HS6ST3: variants seen among roughly 807,000 people sequenced by gnomAD.
HS6ST3 encodes the protein heparan-sulfate 6-O-sulfotransferase 3.
HS6ST3 carries 12 observed loss-of-function variants against 36.7 expected under a neutral mutation model. The observed-to-expected ratio is 0.33, with a 90% CI of 0.21 to 0.53. The LOEUF is 0.53. HS6ST3 is among the 20% of genes least tolerant of loss of function. The probability of loss-of-function intolerance (pLI) is 0.95; values close to 1 mark genes in which losing one functional copy is unlikely to be tolerated. For synonymous variants in HS6ST3, 240 were observed against 257.5 expected, an observed-to-expected ratio of 0.93 and a Z score of 0.65; for missense variants, 584 against 640.9, an observed-to-expected ratio of 0.91 and a Z score of 0.96.
intron 1 of HS6ST3, among the ~76,000 whole-genome samples, chr13:96,226,699 TTAAG>T (rs1294670216): frequency 6.6e-6 from 1 of 152,314 alleles, no homozygotes; most frequent in East Asian, 1.9e-4. Flanking sequence ...ATTTTTCTGT[TTAAG>T]TAAATAAAAT....
chr13:96,378,274 T>G (rs2055324233), intron 1 of HS6ST3, among the ~76,000 whole-genome samples: 1 of 152,172 alleles, frequency 6.6e-6, no homozygotes. Flanking sequence ...TATCTGTGGT[T>G]TTAGATTCAT....
intron 1 of HS6ST3, among the ~76,000 whole-genome samples, chr13:96,770,614 A>G (rs1288172970): frequency 6.6e-6 from 1 of 152,376 alleles, no homozygotes; most frequent in Admixed American, 6.5e-5. Context: ...GGGAAAAAAA[A>G]CTAGTAGATT....
At chr13:96,563,913 C>A (rs1335768105) in intron 1 of HS6ST3, among the ~76,000 whole-genome samples, 1 of 152,132 alleles carries the variant, frequency 6.6e-6, no homozygotes, top group African/African-American at 2.4e-5. Context: ...AGCCTGTGTG[C>A]AGATACCTTC....
At chr13:96,372,350 A>G (rs1264118726) in intron 1 of HS6ST3, among the ~76,000 whole-genome samples, 3 of 152,126 alleles carry the variant, frequency 2.0e-5, no homozygotes, top group Non-Finnish European at 4.4e-5. Context: ...GCTATTGAGT[A>G]TATGAATTCC....
At chr13:96,386,491 A>G (rs1392032091) in intron 1 of HS6ST3, among the ~76,000 whole-genome samples, 1 of 152,172 alleles carries the variant, frequency 6.6e-6, no homozygotes, top group Non-Finnish European at 1.5e-5. Flanking sequence ...TTATTGAGGA[A>G]TAATTGACAA....
intron 1 of HS6ST3, among the ~76,000 whole-genome samples, chr13:96,163,107 A>G (rs9562040): frequency 0.095 from 14,380 of 151,882 alleles, 831 homozygotes; most frequent in East Asian, 0.23. Flanking sequence ...CTGATTTTAT[A>G]GAGTTGTTCT....
At chr13:96,102,197 A>G (rs911213249) in intron 1 of HS6ST3, among the ~76,000 whole-genome samples, 2 of 152,250 alleles carry the variant, frequency 1.3e-5, no homozygotes, top group African/African-American at 2.4e-5. Context: ...CCTATGAATA[A>G]ACATTTCTGT....
chr13:96,346,453 A>C (rs942221196), intron 1 of HS6ST3, among the ~76,000 whole-genome samples: 1 of 151,930 alleles, frequency 6.6e-6, no homozygotes, highest in Non-Finnish European at 1.5e-5. Flanking sequence ...AGGTGCCTGT[A>C]GTCCTAGCTA....
intron 1 of HS6ST3, among the ~76,000 whole-genome samples, chr13:96,534,021 G>A (rs1043677963): frequency 3.4e-4 from 52 of 152,090 alleles, no homozygotes; most frequent in African/African-American, 1.2e-3. Flanking sequence ...ATGACTCTTG[G>A]ATCTCAGCTG....
intron 1 of HS6ST3, among the ~76,000 whole-genome samples, chr13:96,323,541 C>T (rs963351734): frequency 6.6e-6 from 1 of 152,148 alleles, no homozygotes; most frequent in Non-Finnish European, 1.5e-5. Context: ...TCATGGCACT[C>T]CTTTGCTCAA....
intron 1 of HS6ST3, among the ~76,000 whole-genome samples, chr13:96,331,363 G>A (rs973614510): frequency 1.1e-4 from 17 of 151,654 alleles, no homozygotes; most frequent in Non-Finnish European, 5.9e-5. Flanking sequence ...TTTTTGGTGT[G>A]GATGTCCTTT....
At chr13:96,725,246 T>A (rs1162040244) in intron 1 of HS6ST3, among the ~76,000 whole-genome samples, 2 of 152,176 alleles carry the variant, frequency 1.3e-5, no homozygotes, top group Non-Finnish European at 2.9e-5. Flanking sequence ...GTTTTGAGAG[T>A]TTTTTACATA....
At chr13:96,610,193 G>A (rs1347753413) in intron 1 of HS6ST3, among the ~76,000 whole-genome samples, 2 of 152,240 alleles carry the variant, frequency 1.3e-5, no homozygotes, top group East Asian at 3.9e-4. Context: ...TTCAATTTAT[G>A]CATTTCAAGG....
At chr13:96,604,037 A>G (rs2056430349) in intron 1 of HS6ST3, among the ~76,000 whole-genome samples, 1 of 152,212 alleles carries the variant, frequency 6.6e-6, no homozygotes, top group African/African-American at 2.4e-5. Context: ...TGAAAAGTTT[A>G]TGAGGTCACA....
At chr13:96,647,218 A>G (rs2056591743) in intron 1 of HS6ST3, among the ~76,000 whole-genome samples, 1 of 152,052 alleles carries the variant, frequency 6.6e-6, no homozygotes, top group African/African-American at 2.4e-5. Flanking sequence ...AATTACAAAT[A>G]CATTTATGAG....
intron 1 of HS6ST3, among the ~76,000 whole-genome samples, chr13:96,155,942 G>C (rs1292714273): frequency 6.6e-6 from 1 of 152,038 alleles, no homozygotes; most frequent in African/African-American, 2.4e-5. Flanking sequence ...CCTTCGAAAG[G>C]CTCAGGCACG....
chr13:96,662,298 T>C (rs2056648970), intron 1 of HS6ST3, among the ~76,000 whole-genome samples: 1 of 152,180 alleles, frequency 6.6e-6, no homozygotes, highest in Non-Finnish European at 1.5e-5. Flanking sequence ...ATTTTTTATG[T>C]AGTTCTATTT....
At chr13:96,426,058 T>A (rs1218054118) in intron 1 of HS6ST3, among the ~76,000 whole-genome samples, 3 of 149,476 alleles carry the variant, frequency 2.0e-5, no homozygotes, top group Non-Finnish European at 4.4e-5. Flanking sequence ...AAATAGGAAA[T>A]AGCCACTTGT....
At position 96,529,569 on chromosome 13, in the gene HS6ST3, T is replaced by A. The variant is rs540944120; in HGVS notation, c.708-302921T>A. ...GCAACCATAGTTATCTTACATTTTATATTCTTCATTATTTGGTTATCTTTT... is the reference window on the plus strand; with the variant it reads ...GCAACCATAGTTATCTTACATTTTAAATTCTTCATTATTTGGTTATCTTTT... On this transcript the variant is annotated intron_variant, in intron 1 of 1. Coordinates refer to ENST00000376705, the MANE Select transcript of HS6ST3 (RefSeq NM_153456.4). Among the ~76,000 whole-genome samples the A allele has an allele frequency of 2.0e-5, 3 of 152,326 alleles. No homozygotes were observed. The South Asian group carries it at 6.2e-4, about 32-fold the overall frequency.
Sources: gnomAD v4.1 joint callset for allele counts (sites outside exome capture counted in the v4.1 genomes callset) on GRCh38, gnomAD v4.1.1 for gene constraint, MANE v1.5 for transcripts, NCBI Gene and HGNC (gene_info 2026-07-23, HGNC 2026-07-21) for gene names.